The following A1CF variants were observed in gnomAD, a reference collection of about 807,000 sequenced individuals.
A1CF encodes the protein APOBEC1 complementation factor.
A neutral mutation model predicts 68.9 loss-of-function variants in A1CF; 48 were observed. That is an observed-to-expected ratio of 0.70 (90% CI 0.55 to 0.89). A1CF has a LOEUF of 0.89. A1CF is among the 40% of genes least tolerant of loss of function. The pLI is 0.00. For synonymous variants in A1CF, 272 were observed against 260.4 expected (o/e 1.04, Z -0.43); for missense variants, 653 against 718.9 (o/e 0.91, Z 1.05).
rs576682228 is a variant in A1CF at position 50,866,934 on chromosome 10, C to T, written c.-93-2854G>A. Among the ~76,000 whole-genome samples the T allele has an allele frequency of 5.9e-5, 9 of 151,504 alleles. No homozygotes were observed. The East Asian group carries it at 9.7e-4, about 16-fold the overall frequency. The stretch of plus-strand genomic sequence containing the variant: ...CTAGCTATGTTGCCCAGGTTGGTCT[C>T]GAACTCCTGGGCTCAAGCAGTCTTC... On this transcript the variant is annotated intron_variant, in intron 1 of 12. Transcript: ENST00000373997.
chr10:50,859,930 T>C lies in A1CF; in HGVS notation c.11A>G (p.Asn4Ser), dbSNP rs745433895. Reference sequence around the variant, plus strand: ...GCTCAATCCATCCCCGGATTTGTGATTTGATTCCATTGAGAGTGATTATCA... The same window carrying C: ...GCTCAATCCATCCCCGGATTTGTGACTTGATTCCATTGAGAGTGATTATCA... MES[N>S]HKSGDGLSGT... The change falls in exon 3 of 13, where the codon AAT becomes AGT. Residue 4 changes from asparagine to serine, a missense_variant. By Grantham distance (46) the Asn-to-Ser change is conservative. Coordinates refer to ENST00000373997, the MANE Select transcript of A1CF (RefSeq NM_014576.4). 2.5e-6 allele frequency: 4 copies of C among 1,613,954 alleles called. No individual in the cohort carries two copies. The highest frequency in any genetic ancestry group is 3.4e-6 in the Non-Finnish European group (4 of 1,179,930).
chr10:50,844,545 A>G (rs1016070826), intron 3 of A1CF, among the ~76,000 whole-genome samples: 9 of 152,066 alleles, frequency 5.9e-5, no homozygotes, highest in African/African-American at 2.2e-4. Flanking sequence ...CTACATATTA[A>G]TAATATATTA....
chr10:50,812,554 C>G (rs900639237), intron 10 of A1CF, among the ~76,000 whole-genome samples: 1 of 152,134 alleles, frequency 6.6e-6, no homozygotes, highest in Non-Finnish European at 1.5e-5. Flanking sequence ...GAATTTGCGA[C>G]TATTATTTTT....
At chr10:50,808,215 C>A (rs1837927454) in intron 12 of A1CF, among the ~76,000 whole-genome samples, 1 of 152,120 alleles carries the variant, frequency 6.6e-6, no homozygotes, top group Admixed American at 6.6e-5. Flanking sequence ...CAAACTGATT[C>A]TTCCCTTGGA....
At chr10:50,865,298 ACT>A (rs1840935998) in intron 1 of A1CF, among the ~76,000 whole-genome samples, 1 of 137,080 alleles carries the variant, frequency 7.3e-6, no homozygotes, top group African/African-American at 3.6e-5. Context: ...TGCTGCTATT[ACT>A]ACTACTACTA....
chr10:50,839,187 T>A (rs1269400070), intron 5 of A1CF, among the ~76,000 whole-genome samples: 1 of 152,202 alleles, frequency 6.6e-6, no homozygotes, highest in Non-Finnish European at 1.5e-5. Flanking sequence ...ATTATTCATA[T>A]CCTATCTGCT....
At position 50,799,482 on chromosome 10, in the gene A1CF, A is replaced by T. The variant is rs1173643393; in HGVS notation, c.*7247T>A. 6.6e-6 allele frequency: 1 copy of T among 152,160 alleles called. No individual in the cohort carries two copies. The highest frequency in any genetic ancestry group is 1.5e-5 in the Non-Finnish European group (1 of 68,020). 9.4% of individuals were successfully genotyped at this position (152,160 alleles called of 1,614,324 possible). On this transcript the variant is annotated 3_prime_UTR_variant, in exon 13 of 13. Coordinates refer to ENST00000373997, the MANE Select transcript of A1CF (RefSeq NM_014576.4). ...CAATTGCATCATCCAGGAATTATAC[A>T]ATATTGCATTGTCTCTCATTTCATG... is the stretch of plus-strand genomic sequence containing the variant.
Position 50,806,578 on chromosome 10 carries a change from C to CCAAT in A1CF, c.*150_*151insATTG. The CCAAT allele has an allele frequency of 5.4e-6, 3 of 555,198 alleles. No individual in the cohort carries two copies. The highest frequency in any genetic ancestry group is 8.2e-6 in the Non-Finnish European group (3 of 365,202). The allele number at this position is 555,198 out of a possible 1,614,324, so 34.4% of individuals were successfully genotyped here. ...AGAATAACGTTCTTACTTCATGATT[C>CCAAT]TATAATTGGTATAAGCTATACAGTC... On this transcript the variant is annotated 3_prime_UTR_variant, in exon 13 of 13. Coordinates refer to ENST00000373997, the MANE Select transcript of A1CF (RefSeq NM_014576.4).
chr10:50,843,910 G>T, intron 4 of A1CF, 78 bp downstream of exon 4: 1 of 1,559,358 alleles, frequency 6.4e-7, no homozygotes, highest in South Asian at 1.2e-5. Context: ...CAAGAAGGCT[G>T]AGAATGAAAG....
intron 3 of A1CF, chr10:50,850,647 C>G (rs763842356): frequency 6.2e-7 from 1 of 1,613,886 alleles, no homozygotes; most frequent in Non-Finnish European, 8.5e-7. Context: ...CAACTCACTT[C>G]TAAGACCCTC....
At chr10:50,811,613 A>G (rs77886466) in intron 10 of A1CF, among the ~76,000 whole-genome samples, 2 of 152,216 alleles carry the variant, frequency 1.3e-5, no homozygotes, top group Non-Finnish European at 2.9e-5. Flanking sequence ...GACATTTGTC[A>G]TAGGGTTTTA....
intron 3 of A1CF, among the ~76,000 whole-genome samples, chr10:50,858,986 T>C (rs1282622781): frequency 1.3e-5 from 2 of 152,036 alleles, no homozygotes; most frequent in African/African-American, 4.8e-5. Context: ...ATTTTGCAAC[T>C]GACAAAGGAG....
Position 50,816,381 on chromosome 10 carries a change from G to C in A1CF, c.868-102C>G, listed in dbSNP as rs1276522646. ...ACTCCTTCTAAGTGTTAGACTATTT[G>C]CTGTAGGTTTATTGATTGTATCTTG... On this transcript the variant is annotated intron_variant, in intron 8 of 12. Coordinates refer to ENST00000373997, the MANE Select transcript of A1CF (RefSeq NM_014576.4). 2.3e-6 allele frequency: 3 copies of C among 1,283,332 alleles called. No homozygotes were observed. The African/African-American group carries it at 4.4e-5, about 19-fold the overall frequency. The allele number at this position is 1,283,332 out of a possible 1,614,324, so 79.5% of individuals were successfully genotyped here. A position where few individuals can be genotyped will look rare whatever the true frequency, so the allele number is the denominator to read the frequency against.
intron 1 of A1CF, among the ~76,000 whole-genome samples, chr10:50,874,430 T>C (rs1841411454): frequency 6.6e-6 from 1 of 152,164 alleles, no homozygotes; most frequent in African/African-American, 2.4e-5. Context: ...AAAATGCCCT[T>C]TAAATATCAA....
At chr10:50,825,287 T>G (rs1366602174) in intron 7 of A1CF, among the ~76,000 whole-genome samples, 2 of 152,122 alleles carry the variant, frequency 1.3e-5, no homozygotes, top group Admixed American at 1.3e-4. Flanking sequence ...TTCTCAGTTA[T>G]GAAAGGATAT....
chr10:50,881,252 G>A (rs1841761105), intron 1 of A1CF, among the ~76,000 whole-genome samples: 1 of 152,148 alleles, frequency 6.6e-6, no homozygotes, highest in Admixed American at 6.5e-5. Flanking sequence ...GCCTCCCATA[G>A]TGTTCGAATT....
rs993452319 is a variant in A1CF at position 50,802,848 on chromosome 10, G to A, written c.*3881C>T. 6 of 152,068 alleles carry A rather than the reference G, an allele frequency of 3.9e-5. No individual in the cohort carries two copies. Among genetic ancestry groups the A allele is most frequent in the Admixed American group, 1.3e-4 (2 of 15,266 alleles). The allele number at this position is 152,068 out of a possible 1,614,324, so 9.4% of individuals were successfully genotyped here. On this transcript the variant is annotated 3_prime_UTR_variant, in exon 13 of 13. Transcript: ENST00000373997. ...AACTGTGGCCCAGTTGTCCAAGACA[G>A]AATTATAAAACGGTCATTTAGAATA...
At chr10:50,826,831 G>A (rs1389087940) in intron 7 of A1CF, among the ~76,000 whole-genome samples, 1 of 152,138 alleles carries the variant, frequency 6.6e-6, no homozygotes, top group African/African-American at 2.4e-5. Flanking sequence ...AAAAGACACA[G>A]ACTGGCAAAT....
chr10:50,831,906 G>A (rs574583079), intron 6 of A1CF, among the ~76,000 whole-genome samples: 1 of 152,114 alleles, frequency 6.6e-6, no homozygotes, highest in Non-Finnish European at 1.5e-5. Context: ...TTATCAAAAA[G>A]ATCAAAGATG....
Sources: gnomAD v4.1 joint callset for allele counts (sites outside exome capture counted in the v4.1 genomes callset) on GRCh38, gnomAD v4.1.1 for gene constraint, MANE v1.5 for transcripts, NCBI Gene and HGNC (gene_info 2026-07-23, HGNC 2026-07-21) for gene names.